Variants in NOS1 observed in about 807,000 individuals in gnomAD.
NOS1 encodes the protein nitric oxide synthase 1, also known as NOS type I.
In NOS1, 51 loss-of-function variants were observed where a neutral mutation model predicts 164.5. The observed-to-expected ratio is 0.31, with a 90% CI of 0.25 to 0.39. NOS1 has a LOEUF of 0.39. Among genes scored for constraint, NOS1 ranks in the 10% least tolerant of loss-of-function variants. NOS1 has a pLI of 1.00. For synonymous variants in NOS1, 719 were observed against 745.8 expected, an observed-to-expected ratio of 0.96 and a Z score of 0.59; for missense variants, 1,362 against 1,885.6, an observed-to-expected ratio of 0.72 and a Z score of 5.14.
intron 3 of NOS1, 137 bp from the exon 4 acceptor site, chr12:117,290,563 T>G: frequency 9.5e-7 from 1 of 1,055,612 alleles, no homozygotes. Flanking sequence ...CAGAGTAAGA[T>G]CCAGCCCTTC....
chr12:117,217,424 G>C (rs1274171150), intron 28 of NOS1, among the ~76,000 whole-genome samples: 2 of 152,172 alleles, frequency 1.3e-5, no homozygotes, highest in Non-Finnish European at 2.9e-5. Context: ...CACAACTCCG[G>C]CCATGTGCGG....
At chr12:117,353,870 C>T (rs558031345) in intron 1 of NOS1, among the ~76,000 whole-genome samples, 16 of 152,268 alleles carry the variant, frequency 1.1e-4, no homozygotes, top group Non-Finnish European at 1.9e-4. Context: ...GACGCTGAGG[C>T]AGGAGGATCA....
chr12:117,220,754 T>C (rs928416503), intron 26 of NOS1, among the ~76,000 whole-genome samples: 11 of 152,072 alleles, frequency 7.2e-5, no homozygotes, highest in Admixed American at 3.3e-4. Context: ...CTTCCACCTC[T>C]GCAAAGCCGG....
At chr12:117,225,554 G>A (rs1868595745) in intron 24 of NOS1, among the ~76,000 whole-genome samples, 1 of 152,118 alleles carries the variant, frequency 6.6e-6, no homozygotes, top group African/African-American at 2.4e-5. Flanking sequence ...TCCAGACATT[G>A]TCAAATGTCC....
chr12:117,261,014 A>C (rs1255800487), intron 13 of NOS1, among the ~76,000 whole-genome samples: 1 of 151,728 alleles, frequency 6.6e-6, no homozygotes, highest in East Asian at 1.9e-4. Context: ...CTAAAATACA[A>C]AAAAATTAGC....
chr12:117,224,882 C>T, intron 25 of NOS1, 134 bp downstream of exon 25: 1 of 1,168,256 alleles, frequency 8.6e-7, no homozygotes, highest in South Asian at 1.3e-5. Flanking sequence ...CAGGCTGGTG[C>T]TACACGCCCC....
chr12:117,228,938 C>T (rs138627508), intron 22 of NOS1, among the ~76,000 whole-genome samples: 2,762 of 152,144 alleles, frequency 0.018, 77 homozygotes, highest in African/African-American at 0.063. Context: ...CCCGCCACCA[C>T]GCCCAGCTAA....
Position 117,212,672 on chromosome 12 carries a change from C to T in NOS1, c.*2637G>A. The T allele has an allele frequency of 3.0e-6, 3 of 985,408 alleles. No homozygotes were observed. Among genetic ancestry groups the T allele is most frequent in the Non-Finnish European group, 3.6e-6 (3 of 829,944 alleles). 61.0% of individuals were successfully genotyped at this position (985,408 alleles called of 1,614,324 possible). On this transcript the variant is annotated 3_prime_UTR_variant, in exon 29 of 29. Coordinates refer to ENST00000317775, the MANE Select transcript of NOS1 (RefSeq NM_000620.5). ...AAATGGGCCATAACCCGAATAACCC[C>T]CAAATATCTTGTCAACCCTATTTTG...
At chr12:117,305,789 A>G (rs1593008975) in intron 3 of NOS1, among the ~76,000 whole-genome samples, 1 of 144,942 alleles carries the variant, frequency 6.9e-6, no homozygotes, top group South Asian at 2.2e-4. Context: ...CAGGCCCGTG[A>G]CTTTTTTTTT....
At position 117,303,280 on chromosome 12, in the gene NOS1, G is replaced by A. The variant is rs899679723; in HGVS notation, c.852+8186C>T. Among the ~76,000 whole-genome samples, 9 of 152,274 alleles carry A rather than the reference G, an allele frequency of 5.9e-5. No homozygotes were observed. In the South Asian group the frequency reaches 1.7e-3, roughly 28 times the overall value. On this transcript the variant is annotated intron_variant, in intron 3 of 28. Coordinates refer to ENST00000317775, the MANE Select transcript of NOS1 (RefSeq NM_000620.5). The stretch of plus-strand genomic sequence containing the variant: ...ATCCCCTAAAGATTGGGAAAGAAAC[G>A]GCCCGCAAGCCTGTCCCCCACCTTT...
Position 117,272,257 on chromosome 12 carries a change from G to T in NOS1, c.1839+128C>A. ...CCCTGGCATTTCCAGGGGCTTCTCT[G>T]GGATTGCAATTCTATTCTAACCCCT... On this transcript the variant is annotated intron_variant, in intron 10 of 28. Transcript: ENST00000317775. This position sits in a 1 kb window ranked among gnomAD's most constrained non-coding sequence, Gnocchi z 4.3. 1 of 958,582 alleles carries T rather than the reference G, an allele frequency of 1.0e-6. No homozygotes were observed. The highest frequency in any genetic ancestry group is 1.6e-6 in the Non-Finnish European group (1 of 614,478). 59.4% of individuals were successfully genotyped at this position (958,582 alleles called of 1,614,324 possible).
chr12:117,247,278 G>T, intron 18 of NOS1, 70 bp downstream of exon 18: 3 of 1,278,654 alleles, frequency 2.3e-6, no homozygotes, highest in South Asian at 1.5e-5. Flanking sequence ...TCTTCTTGAT[G>T]GTTTAGGTGC....
intron 9 of NOS1, among the ~76,000 whole-genome samples, chr12:117,275,520 T>C (rs1011931792): frequency 6.6e-6 from 1 of 151,898 alleles, no homozygotes; most frequent in Non-Finnish European, 1.5e-5. Flanking sequence ...GAAGGGAGAA[T>C]GGGGAGTGAT....
At chr12:117,231,846 G>T in intron 22 of NOS1, 116 bp downstream of exon 22, 2 of 1,111,934 alleles carry the variant, frequency 1.8e-6, no homozygotes, top group Non-Finnish European at 2.6e-6. Flanking sequence ...GCAAATAATG[G>T]CCCCCTTGGC....
At chr12:117,277,225 T>C (rs9658374) in intron 9 of NOS1, among the ~76,000 whole-genome samples, 2,000 of 152,084 alleles carry the variant, frequency 0.013, 41 homozygotes, top group African/African-American at 0.045. Context: ...TGCATTTCAA[T>C]TGAGAGAACT....
chr12:117,237,701 A>G (rs1869832413), intron 20 of NOS1, among the ~76,000 whole-genome samples: 2 of 152,018 alleles, frequency 1.3e-5, no homozygotes, highest in Non-Finnish European at 2.9e-5. Flanking sequence ...GAAAATGTGC[A>G]TTCTTCAGTG....
intron 22 of NOS1, among the ~76,000 whole-genome samples, chr12:117,229,820 C>T (rs1317315886): frequency 6.6e-6 from 1 of 152,244 alleles, no homozygotes; most frequent in East Asian, 1.9e-4. Flanking sequence ...AACGCCTGAC[C>T]TCAGGTGATC....
At chr12:117,245,030 GT>G (rs1870512044) in intron 18 of NOS1, among the ~76,000 whole-genome samples, 1 of 152,162 alleles carries the variant, frequency 6.6e-6, no homozygotes, top group African/African-American at 2.4e-5. Context: ...ATAAAAAGCC[GT>G]TATCTCATCT....
intron 28 of NOS1, among the ~76,000 whole-genome samples, chr12:117,216,656 A>G (rs1233778649): frequency 6.6e-6 from 1 of 151,576 alleles, no homozygotes; most frequent in East Asian, 2.0e-4. Flanking sequence ...TTTTTAAATT[A>G]TTTGTAGAGA....
Sources: gnomAD v4.1 joint callset for allele counts (sites outside exome capture counted in the v4.1 genomes callset) on GRCh38, gnomAD v4.1.1 for gene constraint, Gnocchi (gnomAD v3.1) non-coding constraint, MANE v1.5 for transcripts, NCBI Gene and HGNC (gene_info 2026-07-23, HGNC 2026-07-21) for gene names.